PDE4D: variants seen among roughly 807,000 people sequenced by gnomAD.
PDE4D encodes the protein phosphodiesterase 4D.
In PDE4D, 24 loss-of-function variants were observed where a neutral mutation model predicts 87.4. The observed-to-expected ratio is 0.27, with a 90% CI of 0.20 to 0.39. The LOEUF (loss-of-function observed/expected upper bound fraction) is 0.39. PDE4D is among the 10% of genes least tolerant of loss of function. PDE4D has a pLI of 1.00. For missense variants in PDE4D, 714 were observed against 1,041.0 expected (o/e 0.69, Z 4.32); for synonymous variants, 384 against 383.2 (o/e 1.00, Z -0.02).
upstream of PDE4D, among the ~76,000 whole-genome samples, chr5:59,896,300 C>A (rs7700565): frequency 0.023 from 3,484 of 152,076 alleles, 137 homozygotes; most frequent in African/African-American, 0.08. Context: ...TGGGAAGTAT[C>A]CTAAATATCA....
chr5:60,479,996 G>C (rs1369215865), intron 1 of PDE4D, among the ~76,000 whole-genome samples: 1 of 152,226 alleles, frequency 6.6e-6, no homozygotes, highest in African/African-American at 2.4e-5. Context: ...AGTATAGGCA[G>C]TAGACTGAAG....
intron 1 of PDE4D, among the ~76,000 whole-genome samples, chr5:59,226,670 C>G (rs1753839891): frequency 6.6e-6 from 1 of 152,006 alleles, no homozygotes; most frequent in Non-Finnish European, 1.5e-5. Flanking sequence ...AATAAAGCAA[C>G]TTTTTCAAAA....
intron 1 of PDE4D, among the ~76,000 whole-genome samples, chr5:59,298,113 C>CTTTTTTTTT (rs759820053): frequency 8.8e-6 from 1 of 113,012 alleles, no homozygotes. Flanking sequence ...ACAAGTGAAA[C>CTTTTTTTTT]TTTTTTTTTT....
intron 2 of PDE4D, among the ~76,000 whole-genome samples, chr5:60,027,971 C>G (rs1413219531): frequency 6.6e-6 from 1 of 152,190 alleles, no homozygotes; most frequent in Non-Finnish European, 1.5e-5. Flanking sequence ...GTTCTATATT[C>G]TATGCCTGAT....
intron 1 of PDE4D, among the ~76,000 whole-genome samples, chr5:59,386,204 T>G (rs1481166074): frequency 6.6e-6 from 1 of 152,150 alleles, no homozygotes; most frequent in Non-Finnish European, 1.5e-5. Flanking sequence ...TCTGTTGGCA[T>G]GAATTAAAAA....
intron 5 of PDE4D, among the ~76,000 whole-genome samples, chr5:59,044,090 C>G (rs1760215823): frequency 6.6e-6 from 1 of 152,186 alleles, no homozygotes; most frequent in African/African-American, 2.4e-5. Context: ...ATGGCTGGGT[C>G]AAATGGTATT....
intron 2 of PDE4D, among the ~76,000 whole-genome samples, chr5:60,182,783 G>A (rs574418466): frequency 1.3e-5 from 2 of 152,270 alleles, no homozygotes; most frequent in African/African-American, 4.8e-5. Flanking sequence ...GGGAGGCTGA[G>A]GCAGGAGAAT....
intron 2 of PDE4D, among the ~76,000 whole-genome samples, chr5:60,148,717 T>C (rs1187685941): frequency 6.6e-6 from 1 of 152,186 alleles, no homozygotes; most frequent in Non-Finnish European, 1.5e-5. Flanking sequence ...ATAGCTGCCA[T>C]TGGGAACTTA....
chr5:59,896,938 T>A (rs986488500), upstream of PDE4D, among the ~76,000 whole-genome samples: 4 of 152,190 alleles, frequency 2.6e-5, no homozygotes, highest in Non-Finnish European at 4.4e-5. Context: ...CATCTACCCA[T>A]TGGTTTTCCC....
intron 1 of PDE4D, among the ~76,000 whole-genome samples, chr5:59,601,760 A>G (rs1827539087): frequency 6.6e-6 from 1 of 152,018 alleles, no homozygotes; most frequent in Non-Finnish European, 1.5e-5. Context: ...CTGAACCCCA[A>G]TTTCAGCTCT....
At chr5:60,178,102 T>G (rs1389552003) in intron 2 of PDE4D, among the ~76,000 whole-genome samples, 1 of 152,170 alleles carries the variant, frequency 6.6e-6, no homozygotes, top group African/African-American at 2.4e-5. Context: ...TTCATCAGAT[T>G]GTTAAAAGAT....
At chr5:60,021,686 T>C (rs1325791184) in intron 2 of PDE4D, 5 of 152,220 alleles carry the variant, frequency 3.3e-5, no homozygotes, top group East Asian at 1.9e-4. Flanking sequence ...TGCTCTGTTA[T>C]AAATGCAGGA....
At chr5:59,145,244 T>G (rs948256658) in intron 5 of PDE4D, among the ~76,000 whole-genome samples, 1 of 152,168 alleles carries the variant, frequency 6.6e-6, no homozygotes, top group African/African-American at 2.4e-5. Flanking sequence ...GGAGGTCCAG[T>G]GATTTTTCTG....
chr5:59,524,565 T>G (rs1185600817), intron 1 of PDE4D, among the ~76,000 whole-genome samples: 5 of 152,222 alleles, frequency 3.3e-5, no homozygotes, highest in Non-Finnish European at 4.4e-5. Flanking sequence ...ACCCATTTTC[T>G]GGGGGAAAAT....
chr5:59,202,160 C>T (rs10472098), intron 2 of PDE4D, among the ~76,000 whole-genome samples: 125,097 of 150,936 alleles, frequency 0.83, 53,006 homozygotes, highest in Non-Finnish European at 0.92. Flanking sequence ...CTGCCTCAGC[C>T]TCTGGAGTAG....
intron 1 of PDE4D, among the ~76,000 whole-genome samples, chr5:59,703,949 G>T (rs1752992054): frequency 6.6e-6 from 1 of 152,080 alleles, no homozygotes; most frequent in East Asian, 1.9e-4. Flanking sequence ...AGAGGTAGAG[G>T]CAGAGAGAGT....
At chr5:59,829,021 A>G (rs1012295355) in intron 1 of PDE4D, among the ~76,000 whole-genome samples, 1 of 152,106 alleles carries the variant, frequency 6.6e-6, no homozygotes. Context: ...TTCTTAACAC[A>G]TATTTGTCAC....
intron 2 of PDE4D, among the ~76,000 whole-genome samples, chr5:60,029,061 T>C (rs935904331): frequency 6.6e-6 from 1 of 152,250 alleles, no homozygotes; most frequent in African/African-American, 2.4e-5. Context: ...AGGGCCATTG[T>C]TATTTTTGTT....
At chr5:60,282,578 T>C in intron 1 of PDE4D, among the ~76,000 whole-genome samples, 1 of 152,238 alleles carries the variant, frequency 6.6e-6, no homozygotes, top group South Asian at 2.1e-4. Context: ...TCTGTATCTA[T>C]GTCCTCTTGT....
Sources: allele counts gnomAD v4.1 joint callset (sites outside exome capture counted in the v4.1 genomes callset), GRCh38; gene constraint gnomAD v4.1.1; transcripts MANE v1.5; gene names NCBI Gene and HGNC (gene_info 2026-07-23, HGNC 2026-07-21).